The following TRMT11 variants were observed in gnomAD, a reference collection of about 807,000 sequenced individuals.
TRMT11 encodes tRNA methyltransferase 11.
Under a neutral mutation model 62.8 loss-of-function variants are expected in TRMT11, and 53 were observed. That is an observed-to-expected ratio of 0.84 (90% confidence interval 0.68 to 1.06). The LOEUF is 1.06. Among genes scored for constraint, TRMT11 ranks in the 50% least tolerant of loss-of-function variants. TRMT11 has a pLI of 0.00. For missense variants in TRMT11, 556 were observed against 553.4 expected, an observed-to-expected ratio of 1.00 and a Z score of -0.05; for synonymous variants, 188 against 190.3, an observed-to-expected ratio of 0.99 and a Z score of 0.10.
At position 126,079,393 on chromosome 6, in the gene TRMT11, A is replaced by T. The variant is rs142013706; in HGVS notation, c.*1437+26203A>T. ...GTTGAGATGCCACAGCTTCCAAGGCATGAGGAGGAGGAGGGAATCTGAAGA... is the reference window on the plus strand; with the variant it reads ...GTTGAGATGCCACAGCTTCCAAGGCTTGAGGAGGAGGAGGGAATCTGAAGA... On this transcript the variant is annotated intron_variant and NMD_transcript_variant, in intron 17 of 22. Transcript: ENST00000648977. Among the ~76,000 whole-genome samples the T allele has an allele frequency of 5.5e-3, 837 of 152,262 alleles. 7 individuals are homozygous for T. The highest frequency in any genetic ancestry group is 0.02 in the African/African-American group (819 of 41,546).
At chr6:126,161,397 C>A (rs1583894178) in intron 21 of TRMT11, among the ~76,000 whole-genome samples, 1 of 152,304 alleles carries the variant, frequency 6.6e-6, no homozygotes, top group East Asian at 1.9e-4. Context: ...CACGTCCCTG[C>A]AAAGGACATG....
At chr6:126,096,600 AT>A (rs2128173736) in intron 17 of TRMT11, among the ~76,000 whole-genome samples, 1 of 151,832 alleles carries the variant, frequency 6.6e-6, no homozygotes, top group East Asian at 1.9e-4. Context: ...CATGCTCACC[AT>A]GGGCATTAGG....
intron 21 of TRMT11, among the ~76,000 whole-genome samples, chr6:126,151,954 T>TTCTTTTCTTTCTG (rs1778062331): frequency 2.3e-5 from 3 of 130,092 alleles, no homozygotes; most frequent in Non-Finnish European, 4.9e-5. Context: ...TTTTCTTTCT[T>TTCTTTTCTTTCTG]TCTTTTCTTT....
At chr6:126,139,533 T>A in intron 21 of TRMT11, among the ~76,000 whole-genome samples, 1 of 152,032 alleles carries the variant, frequency 6.6e-6, no homozygotes, top group East Asian at 1.9e-4. Context: ...CACACCTGGC[T>A]AATTTTTGTA....
intron 17 of TRMT11, among the ~76,000 whole-genome samples, chr6:126,072,273 A>G (rs970191256): frequency 1.3e-5 from 2 of 152,210 alleles, no homozygotes; most frequent in Admixed American, 6.5e-5. Context: ...GCCCTTTAGC[A>G]TAAGGTCATA....
the TRMT11 span, among the ~76,000 whole-genome samples, chr6:126,234,175 C>T: frequency 6.6e-6 from 1 of 152,094 alleles, no homozygotes; most frequent in Non-Finnish European, 1.5e-5. Context: ...ATTCTGTCAT[C>T]TACCGATTTG....
chr6:126,027,751 A>G (rs1038905373), intron 12 of TRMT11, among the ~76,000 whole-genome samples: 6 of 152,188 alleles, frequency 3.9e-5, no homozygotes, highest in Admixed American at 2.0e-4. Context: ...ATTGAATGAA[A>G]GAGTCCAGTA....
intron 17 of TRMT11, among the ~76,000 whole-genome samples, chr6:126,056,723 C>G (rs937370501): frequency 6.6e-6 from 1 of 152,178 alleles, no homozygotes; most frequent in African/African-American, 2.4e-5. Context: ...GCAGAGCTTG[C>G]CATTTACTTC....
At chr6:126,085,098 A>G (rs1777199667) in intron 17 of TRMT11, among the ~76,000 whole-genome samples, 1 of 152,130 alleles carries the variant, frequency 6.6e-6, no homozygotes. Flanking sequence ...TCCCTAACAA[A>G]ATGGTAACTA....
intron 21 of TRMT11, among the ~76,000 whole-genome samples, chr6:126,121,922 A>G (rs1777654546): frequency 6.6e-6 from 1 of 152,040 alleles, no homozygotes; most frequent in African/African-American, 2.4e-5. Context: ...TTGGGCTCTG[A>G]TATGGTTTGG....
chr6:126,268,241 T>A, the TRMT11 span, among the ~76,000 whole-genome samples: 1 of 152,114 alleles, frequency 6.6e-6, no homozygotes, highest in Non-Finnish European at 1.5e-5. Context: ...GTGCACACTC[T>A]CCACAGGGGG....
chr6:126,065,435 C>T (rs1265391119), intron 17 of TRMT11, among the ~76,000 whole-genome samples: 2 of 152,050 alleles, frequency 1.3e-5, no homozygotes, highest in Non-Finnish European at 2.9e-5. Flanking sequence ...TAGTGACCTG[C>T]TTTTGGTACA....
Position 126,011,353 on chromosome 6 carries a change from G to A in TRMT11, c.861G>A (p.Leu287=). 1 of 1,613,228 alleles carries A rather than the reference G, an allele frequency of 6.2e-7. No individual in the cohort carries two copies. The highest frequency in any genetic ancestry group is 1.1e-5 in the South Asian group (1 of 91,036). ...TAGAGAAGTATTACCTTGATGTCCTGGTTTCAGATGCATCTAAACCTTCCT... is the reference window on the plus strand; with the variant it reads ...TAGAGAAGTATTACCTTGATGTCCTAGTTTCAGATGCATCTAAACCTTCCT... ...YGLEKYYLDV[L]VSDASKPSWR... Residue 287 remains leucine (L), a synonymous_variant, in exon 9 of 13, where the codon CTG becomes CTA. Transcript: ENST00000334379.
At chr6:126,252,276 G>T in the TRMT11 span, among the ~76,000 whole-genome samples, 2 of 152,176 alleles carry the variant, frequency 1.3e-5, no homozygotes, top group Admixed American at 6.5e-5. Context: ...TCACATGTCT[G>T]GTATGTGACT....
chr6:126,138,266 G>A (rs921257290), intron 21 of TRMT11, among the ~76,000 whole-genome samples: 1 of 151,850 alleles, frequency 6.6e-6, no homozygotes, highest in African/African-American at 2.4e-5. Flanking sequence ...TACAATAAAA[G>A]TGTGTTATGA....
Position 125,998,574 on chromosome 6 carries a change from G to A in TRMT11, c.412G>A (p.Gly138Arg). The stretch of plus-strand genomic sequence containing the variant: ...GGCACTTGAATTTCTGCCATTTGAA[G>A]GAAAAGTGAATTTAAAGAAACCGCA... ...IDALEFLPFE[G>R]KVNLKKPQHV... Residue 138 changes from glycine (G) to arginine (R), a missense_variant, in exon 6 of 13, where the codon GGA becomes AGA. Gly to Arg is a moderately radical substitution (Grantham distance 125, BLOSUM62 -2). Coordinates refer to ENST00000334379, the MANE Select transcript of TRMT11 (RefSeq NM_001031712.3). 1 of 1,612,860 alleles carries A rather than the reference G, an allele frequency of 6.2e-7. No individual in the cohort carries two copies. Among genetic ancestry groups the A allele is most frequent in the Non-Finnish European group, 8.5e-7 (1 of 1,179,498 alleles).
At chr6:126,100,645 T>C (rs1199521581) in intron 17 of TRMT11, among the ~76,000 whole-genome samples, 1 of 152,226 alleles carries the variant, frequency 6.6e-6, no homozygotes, top group Admixed American at 6.5e-5. Flanking sequence ...GAACTTGTGC[T>C]ATACAACAGC....
At chr6:126,232,836 C>T in the TRMT11 span, among the ~76,000 whole-genome samples, 1 of 152,062 alleles carries the variant, frequency 6.6e-6, no homozygotes, top group Non-Finnish European at 1.5e-5. Flanking sequence ...GTGAAGCATC[C>T]CTTTCTTGGA....
the TRMT11 span, among the ~76,000 whole-genome samples, chr6:126,248,543 T>A: frequency 1.3e-3 from 192 of 152,196 alleles, 1 homozygote; most frequent in Non-Finnish European, 2.2e-3. Flanking sequence ...TTCCACACCC[T>A]TCTATCTGAA....
Sources: gnomAD v4.1 joint callset for allele counts (sites outside exome capture counted in the v4.1 genomes callset) on GRCh38, gnomAD v4.1.1 for gene constraint, MANE v1.5 for transcripts, NCBI Gene and HGNC (gene_info 2026-07-23, HGNC 2026-07-21) for gene names.